The following CACNA1C variants were observed in gnomAD, a reference collection of about 807,000 sequenced individuals.
The protein encoded by CACNA1C is calcium voltage-gated channel subunit alpha1 C.
Under a neutral mutation model 229.0 loss-of-function variants are expected in CACNA1C, and 30 were observed. The observed-to-expected ratio is 0.13, with a 90% CI of 0.10 to 0.18. The LOEUF (loss-of-function observed/expected upper bound fraction) is 0.18. Among genes scored for constraint, CACNA1C ranks in the 10% least tolerant of loss-of-function variants. The probability of loss-of-function intolerance (pLI) is 1.00; values close to 1 mark genes in which losing one functional copy is unlikely to be tolerated. For synonymous variants in CACNA1C, 1,114 were observed against 1,132.5 expected, an observed-to-expected ratio of 0.98 and a Z score of 0.33; for missense variants, 1,658 against 2,845.0, an observed-to-expected ratio of 0.58 and a Z score of 9.49.
At position 2,690,978 on chromosome 12, in the gene CACNA1C, G is replaced by A; in HGVS notation, c.6196G>A (p.Ala2066Thr). 1 of 1,599,486 alleles carries A rather than the reference G, an allele frequency of 6.3e-7. No individual in the cohort carries two copies. Among genetic ancestry groups the A allele is most frequent in the Non-Finnish European group, 8.5e-7 (1 of 1,172,940 alleles). ...IEVTTQELAD[A>T]CDMTIEEMES... ...GGTCACCACCCAGGAGCTGGCCGAC[G>A]CCTGCGACATGACCATAGAGGAGAT... Residue 2066 changes from alanine to threonine, a missense_variant, in exon 47 of 47, where the codon GCC (alanine) becomes ACC (threonine). By Grantham distance (58) the Ala-to-Thr change is moderately conservative. Around this residue, in one of 20 missense-constraint regions of CACNA1C, gnomAD observed 590 missense variants for 700.8 expected, o/e 0.84. Coordinates refer to ENST00000399655, the MANE Select transcript of CACNA1C (RefSeq NM_000719.7).
upstream of CACNA1C, among the ~76,000 whole-genome samples, chr12:2,051,110 G>C (rs529500940): frequency 6.6e-6 from 1 of 152,348 alleles, no homozygotes; most frequent in East Asian, 1.9e-4. Flanking sequence ...AGGGAGCGCT[G>C]TGGGGGTCTG....
In CACNA1C at chr12:2,539,997, C is replaced by T. The variant is rs138995332; in HGVS notation, c.1391-9946C>T. ...GAGGGGCAGCCTCAGAGTCAGAGAG[C>T]AGCTATGTGGAGAGGGCCATGGGGC... On this transcript the variant is annotated intron_variant, in intron 9 of 46. Transcript: ENST00000399655. Among the ~76,000 whole-genome samples the T allele has an allele frequency of 4.1e-3, 618 of 152,288 alleles. 2 individuals are homozygous for T. The highest frequency in any genetic ancestry group is 0.011 in the Admixed American group (174 of 15,300).
At chr12:2,550,930 C>T (rs1034934) in intron 10 of CACNA1C, among the ~76,000 whole-genome samples, 1 of 152,224 alleles carries the variant, frequency 6.6e-6, no homozygotes, top group African/African-American at 2.4e-5. Context: ...CACTCTGACA[C>T]TGGCACCAGG....
chr12:2,426,885 G>T (rs1462250333), intron 3 of CACNA1C, among the ~76,000 whole-genome samples: 1 of 152,234 alleles, frequency 6.6e-6, no homozygotes, highest in Non-Finnish European at 1.5e-5. Context: ...CAGTGTGAGA[G>T]GAGAAGCTGC....
At position 2,595,654 on chromosome 12, in the gene CACNA1C, T is replaced by TAA. The variant is rs1292363705; in HGVS notation, c.2664-219_2664-218dup. ...CAGAGATTCTCAAAGGTCTCAGATG[T>TAA]AACCTTCTAAAATATCAAAGATGAT... is the stretch of plus-strand genomic sequence containing the variant. On this transcript the variant is annotated intron_variant, in intron 19 of 46. Transcript: ENST00000399655. This position sits in a 1 kb window ranked among gnomAD's most constrained non-coding sequence, Gnocchi z 4.1. Among the ~76,000 whole-genome samples the TAA allele has an allele frequency of 6.6e-6, 1 of 152,170 alleles. No homozygotes were observed. The highest frequency in any genetic ancestry group is 2.4e-5 in the African/African-American group (1 of 41,446).
intron 29 of CACNA1C, among the ~76,000 whole-genome samples, chr12:2,615,192 C>G (rs2079831193): frequency 1.3e-5 from 2 of 152,164 alleles, no homozygotes; most frequent in South Asian, 4.1e-4. Context: ...GCCCCTGCAC[C>G]CCACACGAAG....
intron 2 of CACNA1C, among the ~76,000 whole-genome samples, chr12:2,119,198 A>C (rs937604099): frequency 1.1e-4 from 17 of 152,204 alleles, no homozygotes; most frequent in African/African-American, 3.9e-4. Context: ...ATCATCTCTA[A>C]GGTCTCTTTC....
At chr12:2,008,477 G>A (rs1352386312) in intron 1 of CACNA1C, among the ~76,000 whole-genome samples, 3 of 152,160 alleles carry the variant, frequency 2.0e-5, no homozygotes, top group East Asian at 1.9e-4. Flanking sequence ...TTATCACCAC[G>A]TAGTCTCCCT....
rs145466587 is a variant in CACNA1C at position 2,109,844 on chromosome 12, G to C, written c.50-5380G>C. Among the ~76,000 whole-genome samples the C allele has an allele frequency of 6.6e-5, 10 of 152,272 alleles. No individual in the cohort carries two copies. The East Asian group carries it at 1.9e-3, about 29-fold the overall frequency. ...ACTTCTCCCCCATGGTTACATCCAA[G>C]AAATCAGTAGAAGAGCATATGGCTT... On this transcript the variant is annotated intron_variant, in intron 1 of 46. Transcript: ENST00000399655.
intron 3 of CACNA1C, among the ~76,000 whole-genome samples, chr12:2,422,461 C>T (rs946160623): frequency 6.6e-6 from 1 of 151,582 alleles, no homozygotes; most frequent in Non-Finnish European, 1.5e-5. Context: ...TCCCAACAAG[C>T]CTTCCTTCAA....
At chr12:2,229,828 C>T (rs1404186518) in intron 3 of CACNA1C, among the ~76,000 whole-genome samples, 3 of 152,092 alleles carry the variant, frequency 2.0e-5, no homozygotes, top group Non-Finnish European at 2.9e-5. Context: ...TGAGGGGTCC[C>T]GAGGCGGGCG....
chr12:2,683,432 T>A (rs888880570), intron 43 of CACNA1C, among the ~76,000 whole-genome samples: 5 of 152,170 alleles, frequency 3.3e-5, no homozygotes, highest in African/African-American at 1.2e-4. Context: ...TGAGACACAG[T>A]GTTTCCGAAG....
chr12:2,108,856 C>T lies in CACNA1C; in HGVS notation c.50-6368C>T, dbSNP rs79146121. On this transcript the variant is annotated intron_variant, in intron 1 of 46. Transcript: ENST00000399655. This position sits in a 1 kb window ranked among gnomAD's most constrained non-coding sequence, Gnocchi z 5.3. The stretch of plus-strand genomic sequence containing the variant: ...GGGCCTTTAGTGGGTGGAGAAAGTC[C>T]GGTTTCTGTTCCAGGTTGTCTGCGA... Among the ~76,000 whole-genome samples the T allele has an allele frequency of 0.016, 2,508 of 152,258 alleles. 29 individuals carry two copies. The highest frequency in any genetic ancestry group is 0.038 in the South Asian group (184 of 4,820).
At chr12:2,621,749 G>A (rs2083370913) in intron 29 of CACNA1C, among the ~76,000 whole-genome samples, 1 of 152,148 alleles carries the variant, frequency 6.6e-6, no homozygotes, top group African/African-American at 2.4e-5. Flanking sequence ...ACGGCTCCGG[G>A]GTTCCTGGCT....
At chr12:1,989,953 C>T (rs1001734490) in intron 1 of CACNA1C, among the ~76,000 whole-genome samples, 6 of 152,188 alleles carry the variant, frequency 3.9e-5, no homozygotes, top group Non-Finnish European at 7.3e-5. Flanking sequence ...ATGCTTGAAT[C>T]TCAAGGCTAA....
At chr12:2,098,688 AC>A (rs1448283223) in intron 1 of CACNA1C, among the ~76,000 whole-genome samples, 1 of 152,252 alleles carries the variant, frequency 6.6e-6, no homozygotes, top group African/African-American at 2.4e-5. Context: ...TGGTTGCTTA[AC>A]ATGGAAAATG....
intron 1 of CACNA1C, among the ~76,000 whole-genome samples, chr12:2,110,239 A>G (rs2081132704): frequency 6.6e-6 from 1 of 152,230 alleles, no homozygotes; most frequent in Non-Finnish European, 1.5e-5. Context: ...CCTGGTCCCC[A>G]GCAGCAGCAC....
intron 43 of CACNA1C, among the ~76,000 whole-genome samples, chr12:2,683,150 TTAGAG>T (rs1445068718): frequency 6.6e-6 from 1 of 152,170 alleles, no homozygotes; most frequent in Non-Finnish European, 1.5e-5. Context: ...GCTGCCATTC[TTAGAG>T]TATTTTTAGC....
At chr12:2,531,597 A>G (rs1206066668) in intron 9 of CACNA1C, among the ~76,000 whole-genome samples, 1 of 152,188 alleles carries the variant, frequency 6.6e-6, no homozygotes, top group African/African-American at 2.4e-5. Context: ...TCATTTTGCA[A>G]AGAGACGCTT....
Sources: allele counts gnomAD v4.1 joint callset (sites outside exome capture counted in the v4.1 genomes callset), GRCh38; gene constraint gnomAD v4.1.1; regional missense constraint gnomAD v4.1.1; non-coding constraint Gnocchi (gnomAD v3.1); transcripts MANE v1.5; gene names NCBI Gene and HGNC (gene_info 2026-07-23, HGNC 2026-07-21).